CDH4: variants seen among roughly 807,000 people sequenced by gnomAD.
The protein encoded by CDH4 is cadherin-4.
A neutral mutation model predicts 86.0 loss-of-function variants in CDH4; 33 were observed. The ratio of observed to expected loss-of-function variants is 0.38; its 90% CI spans 0.29 to 0.51. The LOEUF is 0.51. Among genes scored for constraint, CDH4 ranks in the 20% least tolerant of loss-of-function variants. The probability of loss-of-function intolerance (pLI) is 0.86; values close to 1 mark genes in which losing one functional copy is unlikely to be tolerated. For missense variants in CDH4, 1,114 were observed against 1,307.4 expected (o/e 0.85, Z 2.28); for synonymous variants, 555 against 549.4 (o/e 1.01, Z -0.14).
chr20:61,659,227 G>A (rs969022869), intron 2 of CDH4, among the ~76,000 whole-genome samples: 7 of 152,198 alleles, frequency 4.6e-5, no homozygotes, highest in African/African-American at 1.7e-4. Context: ...AAGTGGACTT[G>A]GATTCTTGTA....
At chr20:61,486,185 T>C (rs967584033) in intron 2 of CDH4, among the ~76,000 whole-genome samples, 1 of 152,330 alleles carries the variant, frequency 6.6e-6, no homozygotes, top group African/African-American at 2.4e-5. Flanking sequence ...CCTTGTTTCA[T>C]CCTTCCACAC....
chr20:61,841,698 C>G (rs1049753577), intron 4 of CDH4, among the ~76,000 whole-genome samples: 2 of 148,650 alleles, frequency 1.3e-5, no homozygotes, highest in Non-Finnish European at 2.9e-5. Flanking sequence ...AGGTGCATTG[C>G]GGGGGGGAAC....
In CDH4 at chr20:61,821,527, C is replaced by T. The variant is rs868619044; in HGVS notation, c.577-23141C>T. On this transcript the variant is annotated intron_variant, in intron 4 of 15. Transcript: ENST00000614565. ...AGATCCCACTGCTCCAGTCCCCTCA[C>T]TCCCTACGCAGCCCCCACCCCAGCC... Among the ~76,000 whole-genome samples the T allele has an allele frequency of 1.3e-4, 16 of 121,196 alleles. No homozygotes were observed. The South Asian group carries it at 2.1e-3, about 16-fold the overall frequency. 79.5% of individuals were successfully genotyped at this position (121,196 alleles called of 152,430 possible).
chr20:61,495,553 C>A (rs1314689986), intron 2 of CDH4, among the ~76,000 whole-genome samples: 1 of 152,164 alleles, frequency 6.6e-6, no homozygotes, highest in African/African-American at 2.4e-5. Flanking sequence ...ACTGAGACTG[C>A]AGCCTGGGCG....
intron 4 of CDH4, among the ~76,000 whole-genome samples, chr20:61,836,257 G>A (rs552757192): frequency 6.6e-6 from 1 of 152,356 alleles, no homozygotes; most frequent in South Asian, 2.1e-4. Context: ...GTTTCCAGAA[G>A]AGCCGGGAGA....
intron 2 of CDH4, among the ~76,000 whole-genome samples, chr20:61,733,452 G>GT (rs900217242): frequency 8.5e-5 from 13 of 152,134 alleles, no homozygotes; most frequent in Non-Finnish European, 1.3e-4. Flanking sequence ...CCCGGTCACA[G>GT]AGGCCTCGGG....
chr20:61,794,697 A>G (rs553061442), intron 4 of CDH4, among the ~76,000 whole-genome samples: 3 of 152,278 alleles, frequency 2.0e-5, no homozygotes, highest in East Asian at 1.9e-4. Flanking sequence ...CAAACCACCT[A>G]TGGCTGGTCC....
At chr20:61,430,234 T>A (rs772022272) in intron 2 of CDH4, among the ~76,000 whole-genome samples, 1 of 152,208 alleles carries the variant, frequency 6.6e-6, no homozygotes, top group Non-Finnish European at 1.5e-5. Context: ...TAAGCAGAGA[T>A]AATGAAAGAA....
Position 61,392,370 on chromosome 20 carries a change from A to G in CDH4, c.169+137433A>G, listed in dbSNP as rs1490199366. Among the ~76,000 whole-genome samples, 1 of 152,098 alleles carries G rather than the reference A, an allele frequency of 6.6e-6. No homozygotes were observed. The highest frequency in any genetic ancestry group is 1.5e-5 in the Non-Finnish European group (1 of 68,002). ...CGCTCGGAGTCCCACGCTGCTCAGT[A>G]TGCATGATCACAGGGCGCCACCGGG... is the stretch of plus-strand genomic sequence containing the variant. On this transcript the variant is annotated intron_variant, in intron 2 of 15. Transcript: ENST00000614565. The surrounding 1 kb of genome is among the most constrained non-coding windows in gnomAD (Gnocchi z 5.7).
intron 2 of CDH4, among the ~76,000 whole-genome samples, chr20:61,612,788 AT>A (rs1568713006): frequency 6.6e-6 from 1 of 152,028 alleles, no homozygotes. Context: ...TGCATGCTGC[AT>A]TTAGGCCTGT....
intron 2 of CDH4, among the ~76,000 whole-genome samples, chr20:61,404,139 AGCTGCTACAG>A (rs2085066150): frequency 3.8e-5 from 2 of 52,328 alleles, no homozygotes; most frequent in Non-Finnish European, 6.5e-5. Flanking sequence ...GGTGCAGCTG[AGCTGCTACAG>A]CCAGGCGGGT....
chr20:61,572,317 ATAT>A (rs1168905273), intron 2 of CDH4, among the ~76,000 whole-genome samples: 5 of 152,214 alleles, frequency 3.3e-5, no homozygotes, highest in African/African-American at 1.2e-4. Context: ...AAATATACAA[ATAT>A]TATTTAATTC....
chr20:61,932,623 G>A (rs909664001), intron 13 of CDH4, among the ~76,000 whole-genome samples: 2 of 152,160 alleles, frequency 1.3e-5, no homozygotes, highest in African/African-American at 4.8e-5. Flanking sequence ...GCATGTGCAA[G>A]CCTTCATACA....
intron 2 of CDH4, among the ~76,000 whole-genome samples, chr20:61,407,772 A>G (rs2085092275): frequency 6.6e-6 from 1 of 152,194 alleles, no homozygotes; most frequent in South Asian, 2.1e-4. Context: ...GGAACACAGC[A>G]CGGTGATGAG....
rs191913564 is a variant in CDH4 at position 61,723,314 on chromosome 20, C to A, written c.170-20249C>A. Among the ~76,000 whole-genome samples, 17 of 152,330 alleles carry A rather than the reference C, an allele frequency of 1.1e-4. No homozygotes were observed. In the East Asian group the frequency reaches 1.9e-3, roughly 17 times the overall value. On this transcript the variant is annotated intron_variant, in intron 2 of 15. Transcript: ENST00000614565. ...AGCCCCTGCACCTCCTCCGGACCCC[C>A]GTCCTGGCTCCTCAGCACCGGGCAG...
At position 61,940,555 on chromosome 20, in the gene CDH4, G is replaced by A. The variant is rs1030113502; in HGVS notation, c.*3612G>A. 9.2e-5 allele frequency: 14 copies of A among 152,208 alleles called. No individual in the cohort carries two copies. The highest frequency in any genetic ancestry group is 2.9e-4 in the African/African-American group (12 of 41,432). The allele number at this position is 152,208 out of a possible 1,614,324, so 9.4% of individuals were successfully genotyped here. A position where few individuals can be genotyped will look rare whatever the true frequency, so the allele number is the denominator to read the frequency against. On this transcript the variant is annotated 3_prime_UTR_variant, in exon 16 of 16. Transcript: ENST00000614565. ...TGAACTCAGTAGACCCTTGCGGAGC[G>A]GTTGTGCGCGGGCAGGCGGGGCGCG...
intron 2 of CDH4, among the ~76,000 whole-genome samples, chr20:61,636,534 G>T (rs1292341321): frequency 6.6e-6 from 1 of 152,232 alleles, no homozygotes; most frequent in African/African-American, 2.4e-5. Context: ...GCTGTCCCCG[G>T]CAGCCTTGCT....
At chr20:61,864,351 C>G (rs889605938) in intron 6 of CDH4, among the ~76,000 whole-genome samples, 2 of 152,238 alleles carry the variant, frequency 1.3e-5, no homozygotes, top group African/African-American at 4.8e-5. Context: ...GTGCAGTCCC[C>G]TTTGGGGAGA....
At chr20:61,880,602 C>A (rs1274440468) in intron 7 of CDH4, among the ~76,000 whole-genome samples, 1 of 152,178 alleles carries the variant, frequency 6.6e-6, no homozygotes, top group Non-Finnish European at 1.5e-5. Flanking sequence ...CCCATGGCGT[C>A]CCCCAAGTGT....
Sources: gnomAD v4.1 joint callset for allele counts (sites outside exome capture counted in the v4.1 genomes callset) on GRCh38, gnomAD v4.1.1 for gene constraint, Gnocchi (gnomAD v3.1) non-coding constraint, MANE v1.5 for transcripts, NCBI Gene and HGNC (gene_info 2026-07-23, HGNC 2026-07-21) for gene names.